The following EIF5A2 variants were observed in gnomAD, a reference collection of about 807,000 sequenced individuals.
EIF5A2 encodes the protein eukaryotic translation initiation factor 5A2.
A neutral mutation model predicts 16.4 loss-of-function variants in EIF5A2; 15 were observed. That is an observed-to-expected ratio of 0.92 (90% CI 0.61 to 1.41). EIF5A2 has a LOEUF of 1.41. Among genes scored for constraint, EIF5A2 ranks in the 40% most tolerant of loss-of-function variants. EIF5A2 has a pLI of 0.00. For synonymous variants in EIF5A2, 48 were observed against 61.1 expected (o/e 0.79, Z 1.00); for missense variants, 144 against 189.5 (o/e 0.76, Z 1.41).
intron 2 of EIF5A2, among the ~76,000 whole-genome samples, chr3:170,907,407 G>A (rs1022854097): frequency 6.6e-6 from 1 of 152,106 alleles, no homozygotes; most frequent in Non-Finnish European, 1.5e-5. Context: ...AGATCTTATA[G>A]GTCACTAGGA....
At chr3:170,893,553 CTACT>C in intron 4 of EIF5A2, 134 bp from the exon 5 acceptor site, 1 of 880,112 alleles carries the variant, frequency 1.1e-6, no homozygotes, top group South Asian at 2.2e-5. Flanking sequence ...CCAAAACAAG[CTACT>C]TTCTTTACAG....
In EIF5A2 at chr3:170,907,701, G is replaced by C. The variant is rs762468941; in HGVS notation, c.106C>G (p.Arg36Gly). The C allele has an allele frequency of 6.2e-7, 1 of 1,610,444 alleles. No individual in the cohort carries two copies. The highest frequency in any genetic ancestry group is 8.5e-7 in the Non-Finnish European group (1 of 1,177,246). ...RKNGFVVLKG[R>G]PCKIVEMSTS... is the part of the protein sequence containing the mutation. ...GACATCTCCACTATTTTGCATGGTC[G>C]TCCTTTGAGCACCACGAAGCCGTTT... Residue 36 changes from arginine to glycine, a missense_variant, in exon 2 of 5, where the codon CGA becomes GGA. Transcript: ENST00000295822.
In EIF5A2 at chr3:170,890,331, C is replaced by G. The variant is rs944663511; in HGVS notation, c.*3029G>C. 1 of 151,990 alleles carries G rather than the reference C, an allele frequency of 6.6e-6. No homozygotes were observed. The highest frequency in any genetic ancestry group is 2.4e-5 in the African/African-American group (1 of 41,394). The allele number at this position is 151,990 out of a possible 1,614,324, so 9.4% of individuals were successfully genotyped here. A position where few individuals can be genotyped will look rare whatever the true frequency, so the allele number is the denominator to read the frequency against. On this transcript the variant is annotated 3_prime_UTR_variant, in exon 5 of 5. Transcript: ENST00000295822. ...AAATTGTGTCTCCAAATTTTACAGC[C>G]TAATCATTTTATTGCAGTATCTCCT...
At position 170,893,166 on chromosome 3, in the gene EIF5A2, CA is replaced by C. The variant is rs1553776067; in HGVS notation, c.*193del. On this transcript the variant is annotated 3_prime_UTR_variant, in exon 5 of 5. Transcript: ENST00000295822. ...TTATAGGAAACATATCTACAAAATT[CA>C]AAAAAAATTATACATATTGATAATT... The C allele has an allele frequency of 1.4e-4, 66 of 464,078 alleles. No individual in the cohort carries two copies. The highest frequency in any genetic ancestry group is 3.9e-4 in the South Asian group (7 of 17,772). 28.7% of individuals were successfully genotyped at this position (464,078 alleles called of 1,614,324 possible).
At chr3:170,896,179 A>G (rs1438138475) in intron 3 of EIF5A2, among the ~76,000 whole-genome samples, 1 of 152,222 alleles carries the variant, frequency 6.6e-6, no homozygotes, top group Non-Finnish European at 1.5e-5. Flanking sequence ...ATTTTTTAAG[A>G]GTTAAGAATC....
intron 3 of EIF5A2, among the ~76,000 whole-genome samples, chr3:170,903,748 T>A (rs1385696912): frequency 6.6e-6 from 1 of 152,206 alleles, no homozygotes; most frequent in African/African-American, 2.4e-5. Context: ...TTGAATTCAA[T>A]TAACATATCT....
chr3:170,908,383 G>A (rs1314296315), intron 1 of EIF5A2, among the ~76,000 whole-genome samples, 160 bp downstream of exon 1: 1 of 152,148 alleles, frequency 6.6e-6, no homozygotes, highest in African/African-American at 2.4e-5. Flanking sequence ...GCCCCACTAG[G>A]GCCTGAGCCC....
At chr3:170,902,607 C>CT (rs1178996738) in intron 3 of EIF5A2, among the ~76,000 whole-genome samples, 1,969 of 102,218 alleles carry the variant, frequency 0.019, 49 homozygotes, top group South Asian at 0.042. Flanking sequence ...AGAAGCCTTC[C>CT]TTTTTTTTTT....
chr3:170,893,288 G>A lies in EIF5A2; in HGVS notation c.*72C>T, dbSNP rs755675752. 7.9e-6 allele frequency: 12 copies of A among 1,520,372 alleles called. No individual in the cohort carries two copies. The highest frequency in any genetic ancestry group is 1.1e-5 in the Non-Finnish European group (12 of 1,108,998). 94.2% of individuals were successfully genotyped at this position (1,520,372 alleles called of 1,614,324 possible). A position where few individuals can be genotyped will look rare whatever the true frequency, so the allele number is the denominator to read the frequency against. ...GTTGCTTATGAAGGCTATAGCTTTGGTGACAACTTAGAACCAAATTAGATC... is the reference window on the plus strand; with the variant it reads ...GTTGCTTATGAAGGCTATAGCTTTGATGACAACTTAGAACCAAATTAGATC... On this transcript the variant is annotated 3_prime_UTR_variant, in exon 5 of 5. Coordinates refer to ENST00000295822, the MANE Select transcript of EIF5A2 (RefSeq NM_020390.6).
chr3:170,907,168 C>A (rs945582576), intron 2 of EIF5A2, 75 bp from the exon 3 acceptor site: 5 of 903,688 alleles, frequency 5.5e-6, no homozygotes, highest in Non-Finnish European at 8.6e-6. Flanking sequence ...GAGCACAATA[C>A]CAATGCTGAT....
chr3:170,892,428 C>CAAA lies in EIF5A2; in HGVS notation c.*929_*931dup, dbSNP rs34403814. 122 of 81,616 alleles carry CAAA rather than the reference C, an allele frequency of 1.5e-3. No homozygotes were observed. Among genetic ancestry groups the CAAA allele is most frequent in the African/African-American group, 2.7e-3 (61 of 22,598 alleles). 5.1% of individuals were successfully genotyped at this position (81,616 alleles called of 1,614,324 possible). On this transcript the variant is annotated 3_prime_UTR_variant, in exon 5 of 5. Transcript: ENST00000295822. ...TGGCTGATGGAGTGAGACTCAGTCT[C>CAAA]AAAAAAAAAAAAAAAAAAAAGGAAG...
At chr3:170,900,763 C>T (rs193000986) in intron 3 of EIF5A2, among the ~76,000 whole-genome samples, 204 of 152,036 alleles carry the variant, frequency 1.3e-3, no homozygotes, top group African/African-American at 4.8e-3. Context: ...CACCCACCCC[C>T]GCTACACGCA....
Position 170,893,331 on chromosome 3 carries a change from TAA to T in EIF5A2, c.*27_*28del, listed in dbSNP as rs140126320. 5.0e-6 allele frequency: 8 copies of T among 1,613,042 alleles called. No homozygotes were observed. The East Asian group carries it at 1.6e-4, about 32-fold the overall frequency. The stretch of plus-strand genomic sequence containing the variant: ...ATTAGATCTGCAGTTGATTCAGACA[TAA>T]ACAGTGTTCATGCCTGATGTTTCCG... On this transcript the variant is annotated 3_prime_UTR_variant, in exon 5 of 5. Transcript: ENST00000295822.
In EIF5A2 at chr3:170,889,061, T is replaced by TTTTTG. The variant is rs1215671516; in HGVS notation, c.*4298_*4299insCAAAA. On this transcript the variant is annotated 3_prime_UTR_variant, in exon 5 of 5. Transcript: ENST00000295822. ...ACAATAACCTGTCTTTTTTTTTTTTTTTTTTTTTTTGTAAAATAGGTTTCT... is the reference window on the plus strand; with the variant it reads ...ACAATAACCTGTCTTTTTTTTTTTTTTTTTGTTTTTTTTTTGTAAAATAGGTTTCT... 1.7e-4 allele frequency: 25 copies of TTTTTG among 145,440 alleles called. 2 individuals carry two copies. The highest frequency in any genetic ancestry group is 7.0e-3 in the Middle Eastern group (2 of 286). The allele number at this position is 145,440 out of a possible 1,614,324, so 9.0% of individuals were successfully genotyped here.
chr3:170,900,778 C>T (rs923283836), intron 3 of EIF5A2, among the ~76,000 whole-genome samples: 1 of 152,082 alleles, frequency 6.6e-6, no homozygotes, highest in African/African-American at 2.4e-5. Flanking sequence ...CACGCACAGA[C>T]ACTGGTACTG....
intron 3 of EIF5A2, among the ~76,000 whole-genome samples, chr3:170,901,438 G>C (rs1712812315): frequency 6.6e-6 from 1 of 152,168 alleles, no homozygotes; most frequent in Non-Finnish European, 1.5e-5. Context: ...TTCTGTCTTA[G>C]ATGTAGTCAG....
At position 170,893,097 on chromosome 3, in the gene EIF5A2, T is replaced by C; in HGVS notation, c.*263A>G. 2.2e-6 allele frequency: 1 copy of C among 448,094 alleles called. No individual in the cohort carries two copies. Among genetic ancestry groups the C allele is most frequent in the East Asian group, 3.4e-5 (1 of 29,516 alleles). The allele number at this position is 448,094 out of a possible 1,614,324, so 27.8% of individuals were successfully genotyped here. ...AGACAAATCACATCTGCTGAAGCTA[T>C]CTTGTTTGTTTCTTGGACTGACATA... On this transcript the variant is annotated 3_prime_UTR_variant, in exon 5 of 5. Coordinates refer to ENST00000295822, the MANE Select transcript of EIF5A2 (RefSeq NM_020390.6).
rs1712612775 is a variant in EIF5A2 at position 170,894,291 on chromosome 3, C to G, written c.402+1G>C. On this transcript the variant is annotated splice_donor_variant, in intron 4 of 4. Coordinates refer to ENST00000295822, the MANE Select transcript of EIF5A2 (RefSeq NM_020390.6). LOFTEE classifies it high-confidence loss of function. ...AAAATAATCCTTCTCTAAGTCTTTA[C>G]CTGTACATCTTCACCTGCATTGTAT... is the stretch of plus-strand genomic sequence containing the variant. 1.2e-6 allele frequency: 2 copies of G among 1,612,742 alleles called. No homozygotes were observed. The highest frequency in any genetic ancestry group is 1.7e-5 in the Admixed American group (1 of 59,954).
chr3:170,897,597 A>T (rs1712704803), intron 3 of EIF5A2, among the ~76,000 whole-genome samples: 2 of 152,204 alleles, frequency 1.3e-5, no homozygotes, highest in Non-Finnish European at 2.9e-5. Context: ...CTGCAGGTAC[A>T]CAGAAGGCAA....
Sources: gnomAD v4.1 joint callset for allele counts (sites outside exome capture counted in the v4.1 genomes callset) on GRCh38, gnomAD v4.1.1 for gene constraint, MANE v1.5 for transcripts, NCBI Gene and HGNC (gene_info 2026-07-23, HGNC 2026-07-21) for gene names.